Variants in WARS2 observed in about 807,000 individuals in gnomAD.
WARS2 encodes tryptophanyl tRNA synthetase 2, mitochondrial.
WARS2 carries 28 observed loss-of-function variants against 36.5 expected under a neutral mutation model. That is an observed-to-expected ratio of 0.77 (90% CI 0.57 to 1.05). The LOEUF (loss-of-function observed/expected upper bound fraction) is 1.05. Among genes scored for constraint, WARS2 ranks in the 50% least tolerant of loss-of-function variants. WARS2 has a pLI of 0.00. For missense variants in WARS2, 435 were observed against 456.8 expected (o/e 0.95, Z 0.44); for synonymous variants, 174 against 178.4 (o/e 0.98, Z 0.20).
Position 119,085,065 on chromosome 1 carries a change from C to T in WARS2, c.91-8458G>A. The T allele has an allele frequency of 1.1e-5, 8 of 731,718 alleles. No homozygotes were observed. The South Asian group carries it at 1.2e-4, about 11-fold the overall frequency. 45.3% of individuals were successfully genotyped at this position (731,718 alleles called of 1,614,324 possible). ...CCGGCAGCGCTGGGTCCTTTTATGCCTATGGGATTTATCTCAGCTCCTACC... is the reference window on the plus strand; with the variant it reads ...CCGGCAGCGCTGGGTCCTTTTATGCTTATGGGATTTATCTCAGCTCCTACC... On this transcript the variant is annotated intron_variant, in intron 1 of 5. Coordinates refer to ENST00000235521, the MANE Select transcript of WARS2 (RefSeq NM_015836.4).
At chr1:119,055,846 G>A (rs1470220400) in intron 2 of WARS2, among the ~76,000 whole-genome samples, 1 of 151,940 alleles carries the variant, frequency 6.6e-6, no homozygotes, top group African/African-American at 2.4e-5. Flanking sequence ...AATTTTGGGG[G>A]ATTAAAGAAA....
At chr1:119,081,240 A>G (rs1328777236) in intron 1 of WARS2, among the ~76,000 whole-genome samples, 1 of 152,242 alleles carries the variant, frequency 6.6e-6, no homozygotes, top group Non-Finnish European at 1.5e-5. Context: ...TACTGTACTC[A>G]AAAGCAATTG....
intron 1 of WARS2, chr1:119,126,856 G>C (rs939006002): frequency 1.0e-5 from 8 of 793,458 alleles, no homozygotes; most frequent in Non-Finnish European, 1.5e-5. Context: ...TGGAGGACCT[G>C]TTGGTGCTGA....
intron 3 of WARS2, among the ~76,000 whole-genome samples, chr1:119,043,282 G>A (rs1324136163): frequency 1.3e-5 from 2 of 152,178 alleles, no homozygotes; most frequent in Non-Finnish European, 2.9e-5. Flanking sequence ...TACTCATTGA[G>A]TTAATCTGAA....
chr1:119,032,868 G>A lies in WARS2; in HGVS notation c.*43C>T. ...AAAGCTGCCGTTATCAGAATGCATG[G>A]AGTGCAAGGCACAAAAGCCTTGCTG... On this transcript the variant is annotated 3_prime_UTR_variant, in exon 6 of 6. Transcript: ENST00000235521. 1 of 1,527,164 alleles carries A rather than the reference G, an allele frequency of 6.5e-7. No homozygotes were observed. The highest frequency in any genetic ancestry group is 1.2e-5 in the South Asian group (1 of 81,566). The allele number at this position is 1,527,164 out of a possible 1,614,324, so 94.6% of individuals were successfully genotyped here.
At chr1:119,104,567 T>C (rs1295920092) in intron 1 of WARS2, among the ~76,000 whole-genome samples, 1 of 147,278 alleles carries the variant, frequency 6.8e-6, no homozygotes, top group African/African-American at 2.5e-5. Flanking sequence ...AAGAGACATG[T>C]AAAAAATAAG....
chr1:119,121,406 T>G (rs1335362729), intron 1 of WARS2, among the ~76,000 whole-genome samples: 1 of 152,046 alleles, frequency 6.6e-6, no homozygotes, highest in Non-Finnish European at 1.5e-5. Flanking sequence ...CACAAACAAA[T>G]GGAAACACAT....
intron 2 of WARS2, among the ~76,000 whole-genome samples, chr1:119,066,477 CAAAAAAAAAAAA>C (rs34709639): frequency 1.7e-4 from 8 of 46,500 alleles, no homozygotes; most frequent in African/African-American, 6.3e-4. Context: ...GGCTCTGTCT[CAAAAAAAAAAAA>C]AAAAAAAAAA....
intron 2 of WARS2, among the ~76,000 whole-genome samples, chr1:119,069,554 A>G (rs1281375446): frequency 2.0e-5 from 3 of 152,176 alleles, no homozygotes; most frequent in African/African-American, 7.2e-5. Flanking sequence ...TTTTTTCTTC[A>G]GCTTTAAAGA....
chr1:119,068,323 T>A (rs1475267362), intron 2 of WARS2, among the ~76,000 whole-genome samples: 1 of 152,242 alleles, frequency 6.6e-6, no homozygotes, highest in Non-Finnish European at 1.5e-5. Flanking sequence ...GGACAGTTGG[T>A]GAGGTATAAC....
chr1:119,125,826 T>TTC (rs1655617848), intron 1 of WARS2, among the ~76,000 whole-genome samples: 2 of 152,338 alleles, frequency 1.3e-5, no homozygotes, highest in East Asian at 3.9e-4. Flanking sequence ...AATTATCAGG[T>TTC]AGACTACCCA....
rs1413796385 is a variant in WARS2, at chr1:119,120,721, G to A, written c.90+19834C>T. On this transcript the variant is annotated intron_variant, in intron 1 of 5. Coordinates refer to ENST00000235521, the MANE Select transcript of WARS2 (RefSeq NM_015836.4). Reference sequence around the variant, plus strand: ...ATCAAGTGGGTTTCATACCAGGGATGCAGGGTTGGTTTAACATACACAAGT... The same window carrying A: ...ATCAAGTGGGTTTCATACCAGGGATACAGGGTTGGTTTAACATACACAAGT... 3.9e-5 allele frequency among the ~76,000 whole-genome samples: 6 copies of A among 152,116 alleles called. No homozygotes were observed. In the East Asian group the frequency reaches 1.2e-3, roughly 29 times the overall value.
Position 119,032,959 on chromosome 1 carries a change from T to G in WARS2, c.1035A>C (p.Leu345Phe), listed in dbSNP as rs1170088890. The change falls in exon 6 of 6, where the codon TTA (leucine) becomes TTC (phenylalanine). Residue 345 changes from leucine (L) to phenylalanine (F), a missense_variant. Leu to Phe is a conservative substitution (Grantham distance 22, BLOSUM62 0). Transcript: ENST00000235521. ...TCACCTCCTGGCACACAGTGTATGC[T>G]AATTCTTTGGCTTTTGCTGATCCAA... ...LQIGSAKAKELAYTVCQEVKK... is the reference protein window; with the variant it reads ...LQIGSAKAKEFAYTVCQEVKK... 1 of 1,614,162 alleles carries G rather than the reference T, an allele frequency of 6.2e-7. No individual in the cohort carries two copies. The highest frequency in any genetic ancestry group is 8.5e-7 in the Non-Finnish European group (1 of 1,180,062).
At chr1:119,139,056 AG>A (rs1553183764) in intron 1 of WARS2, among the ~76,000 whole-genome samples, 3 of 152,096 alleles carry the variant, frequency 2.0e-5, no homozygotes, top group Non-Finnish European at 4.4e-5. Flanking sequence ...GTTTGGAATA[AG>A]GGGAAGTTTG....
chr1:119,089,566 G>C (rs1652902473), intron 1 of WARS2, among the ~76,000 whole-genome samples: 1 of 152,162 alleles, frequency 6.6e-6, no homozygotes, highest in South Asian at 2.1e-4. Flanking sequence ...TGGTTCGGAG[G>C]ACTGTGACAA....
At chr1:119,131,458 G>GTTTTTTTTTTTTTTTTTTTTTT (rs761800862) in intron 1 of WARS2, among the ~76,000 whole-genome samples, 2 of 134,302 alleles carry the variant, frequency 1.5e-5, no homozygotes, top group African/African-American at 2.9e-5. Flanking sequence ...AAAGTTTTTT[G>GTTTTTTTTTTTTTTTTTTTTTT]TTTTTTGTTT....
intron 2 of WARS2, 88 bp from the exon 3 acceptor site, chr1:119,045,750 TC>T (rs1648748324): frequency 9.4e-7 from 1 of 1,064,974 alleles, no homozygotes; most frequent in African/African-American, 1.6e-5. Context: ...ACCCTAAATG[TC>T]TGAAAATACC....
At chr1:119,081,705 G>A (rs1268168478) in intron 1 of WARS2, among the ~76,000 whole-genome samples, 1 of 152,110 alleles carries the variant, frequency 6.6e-6, no homozygotes, top group Non-Finnish European at 1.5e-5. Flanking sequence ...CTCTGTTAGT[G>A]TTTCTCAATT....
chr1:119,110,355 G>GA (rs1654542252), intron 1 of WARS2, among the ~76,000 whole-genome samples: 1 of 151,942 alleles, frequency 6.6e-6, no homozygotes, highest in Non-Finnish European at 1.5e-5. Context: ...GTTTGTCTAA[G>GA]AAAGTATTTA....
Sources: allele counts gnomAD v4.1 joint callset (sites outside exome capture counted in the v4.1 genomes callset), GRCh38; gene constraint gnomAD v4.1.1; transcripts MANE v1.5; gene names NCBI Gene and HGNC (gene_info 2026-07-23, HGNC 2026-07-21).